Variants in CHLSN observed in about 807,000 individuals in gnomAD.
CHLSN encodes protein cholesin.
At chr7:1,136,543 CAT>C in the CHLSN span, among the ~76,000 whole-genome samples, 2 of 112,376 alleles carry the variant, frequency 1.8e-5, no homozygotes, top group African/African-American at 3.7e-5. Context: ...TATATATGAA[CAT>C]ATATAAACAT....
the CHLSN span, among the ~76,000 whole-genome samples, chr7:1,091,195 C>A: frequency 1.3e-5 from 2 of 152,240 alleles, no homozygotes; most frequent in East Asian, 3.8e-4. Context: ...GCCGTGGGAC[C>A]TGCAGGAAAG....
the CHLSN span, among the ~76,000 whole-genome samples, chr7:1,002,215 A>T: frequency 2.1e-5 from 1 of 47,356 alleles, no homozygotes; most frequent in African/African-American, 1.4e-4. Context: ...GGGTGAGTGG[A>T]GTCCTGCGGG....
chr7:1,029,852 T>C, the CHLSN span, among the ~76,000 whole-genome samples: 1 of 152,180 alleles, frequency 6.6e-6, no homozygotes, highest in Non-Finnish European at 1.5e-5. Context: ...TCCAGGCCTG[T>C]TCCCATGCAG....
At chr7:1,127,230 G>A in the CHLSN span, 2 of 1,577,406 alleles carry the variant, frequency 1.3e-6, no homozygotes, top group Non-Finnish European at 1.7e-6. Context: ...CCAGAGGGCA[G>A]GGCCAGTGAA....
chr7:1,042,573 C>T, the CHLSN span, among the ~76,000 whole-genome samples: 2 of 152,222 alleles, frequency 1.3e-5, no homozygotes, highest in African/African-American at 4.8e-5. Flanking sequence ...CACACACGAG[C>T]TTTCTGCCAT....
At chr7:1,023,662 CACACACACACACACA>C in the CHLSN span, among the ~76,000 whole-genome samples, 1,285 of 112,988 alleles carry the variant, frequency 0.011, 18 homozygotes, top group African/African-American at 0.029. The surrounding 1 kb of genome is among the most constrained non-coding windows in gnomAD (Gnocchi z 5.0). Context: ...CACACACACA[CACACACACACACACA>C]CCAGCAACGC....
chr7:996,134 T>C, the CHLSN span, among the ~76,000 whole-genome samples: 2 of 152,222 alleles, frequency 1.3e-5, no homozygotes, highest in African/African-American at 4.8e-5. Flanking sequence ...GTCACCGCTC[T>C]GAGGTGCAGG....
At chr7:982,303 C>T in the CHLSN span, among the ~76,000 whole-genome samples, 4 of 152,230 alleles carry the variant, frequency 2.6e-5, no homozygotes, top group African/African-American at 7.2e-5. Context: ...CAGGCTGCCT[C>T]GGCTCTGCGG....
At chr7:1,080,446 C>T in the CHLSN span, among the ~76,000 whole-genome samples, 10 of 152,320 alleles carry the variant, frequency 6.6e-5, no homozygotes, top group South Asian at 6.2e-4. Flanking sequence ...AGGCTGCACA[C>T]GCACAGGTGC....
At chr7:988,002 G>GGGGGGTCCCCTCTGTGTCCT in the CHLSN span, among the ~76,000 whole-genome samples, 1 of 97,896 alleles carries the variant, frequency 1.0e-5, no homozygotes, top group Non-Finnish European at 2.2e-5. Context: ...TGTGTGTCCT[G>GGGGGGTCCCCTCTGTGTCCT]GGGGGTCCCC....
the CHLSN span, among the ~76,000 whole-genome samples, chr7:1,071,014 A>G: frequency 6.6e-6 from 1 of 150,570 alleles, no homozygotes; most frequent in African/African-American, 2.5e-5. Flanking sequence ...ACGCACATGC[A>G]CACACATGCA....
At chr7:1,131,277 G>C in the CHLSN span, among the ~76,000 whole-genome samples, 3 of 151,904 alleles carry the variant, frequency 2.0e-5, no homozygotes, top group Admixed American at 6.6e-5. Context: ...TCATGGAAAG[G>C]GCCTGGCAGC....
chr7:1,029,270 G>A, the CHLSN span, among the ~76,000 whole-genome samples: 3 of 152,154 alleles, frequency 2.0e-5, no homozygotes, highest in African/African-American at 4.8e-5. Context: ...TGGGACCACA[G>A]GAGTGCACCA....
At chr7:1,019,927 C>T in the CHLSN span, among the ~76,000 whole-genome samples, 1 of 152,358 alleles carries the variant, frequency 6.6e-6, no homozygotes, top group South Asian at 2.1e-4. Context: ...GGCCAAGCTA[C>T]AGTGCGTTTC....
chr7:1,058,213 G>T, the CHLSN span: 1 of 752,796 alleles, frequency 1.3e-6, no homozygotes, highest in East Asian at 2.4e-5. Context: ...TCGGCACACA[G>T]GCTGCTGGTG....
At chr7:987,244 GGGTGAGACCCCGGCGCCT>G in the CHLSN span, 3 of 1,522,200 alleles carry the variant, frequency 2.0e-6, no homozygotes, top group South Asian at 2.4e-5. Flanking sequence ...CGGACGTGCA[GGGTGAGACCCCGGCGCCT>G]GGCGAGACGG....
At chr7:984,365 G>GC in the CHLSN span, 3 of 1,536,804 alleles carry the variant, frequency 2.0e-6, no homozygotes, top group Non-Finnish European at 2.6e-6. Flanking sequence ...CCTAAGGGGG[G>GC]TCTTGTGGGT....
At chr7:1,092,605 C>G in the CHLSN span, 101 of 1,611,772 alleles carry the variant, frequency 6.3e-5, 1 homozygote, top group South Asian at 1.1e-3. Context: ...TGGGGCCGCT[C>G]CCTGCAAGCA....
At chr7:997,675 G>A in the CHLSN span, 16 of 1,607,268 alleles carry the variant, frequency 1.0e-5, no homozygotes, top group Non-Finnish European at 1.4e-5. Context: ...CTCCCCGGCA[G>A]GGGGGGATCA....
Sources: allele counts gnomAD v4.1 joint callset (sites outside exome capture counted in the v4.1 genomes callset), GRCh38; gene constraint gnomAD v4.1.1; non-coding constraint Gnocchi (gnomAD v3.1); transcripts MANE v1.5; gene names NCBI Gene and HGNC (gene_info 2026-07-23, HGNC 2026-07-21).